PIEZO2: variants seen among roughly 807,000 people sequenced by gnomAD.
PIEZO2 encodes the protein piezo type mechanosensitive ion channel component 2.
In PIEZO2, 172 loss-of-function variants were observed where a neutral mutation model predicts 337.3. The observed-to-expected ratio is 0.51, with a 90% confidence interval of 0.45 to 0.58. PIEZO2 has a LOEUF of 0.58. PIEZO2 is among the 20% of genes least tolerant of loss of function. The pLI, the probability that PIEZO2 is intolerant of heterozygous loss-of-function variation, is 0.00. For missense variants in PIEZO2, 3,028 were observed against 3,391.3 expected (o/e 0.89, Z 2.66); for synonymous variants, 1,251 against 1,228.5 (o/e 1.02, Z -0.38).
chr18:10,709,428 C>T (rs1384690199), intron 39 of PIEZO2: 1 of 152,262 alleles, frequency 6.6e-6, no homozygotes, highest in African/African-American at 2.4e-5. Context: ...AACTGGAATA[C>T]TTATCTTCCA....
At chr18:10,790,008 G>C (rs933305786) in intron 14 of PIEZO2, among the ~76,000 whole-genome samples, 23 of 152,110 alleles carry the variant, frequency 1.5e-4, no homozygotes, top group Non-Finnish European at 5.9e-5. Flanking sequence ...AATTATTGGG[G>C]TTAATTTGAA....
intron 7 of PIEZO2, among the ~76,000 whole-genome samples, chr18:10,825,169 A>G (rs1474845723): frequency 6.6e-6 from 1 of 152,026 alleles, no homozygotes; most frequent in East Asian, 1.9e-4. Context: ...CGGCCACCTA[A>G]TGTCCTTTAT....
At chr18:10,704,230 C>T in intron 42 of PIEZO2, 164 bp downstream of exon 42, 1 of 982,504 alleles carries the variant, frequency 1.0e-6, no homozygotes, top group African/African-American at 1.6e-5. Context: ...ACTGTTGCTG[C>T]TGACGATTTG....
At position 10,746,110 on chromosome 18, in the gene PIEZO2, C is replaced by A. The variant is rs2037412224; in HGVS notation, c.4425-1879G>T. Among the ~76,000 whole-genome samples, 1 of 152,216 alleles carries A rather than the reference C, an allele frequency of 6.6e-6. No individual in the cohort carries two copies. ...CTATCTCTACCCTGGATTATCATAG[C>A]AGCTGCTTAGCTGTCTCTCTGCCTA... On this transcript the variant is annotated intron_variant, in intron 30 of 55. Coordinates refer to ENST00000674853, the MANE Select transcript of PIEZO2 (RefSeq NM_001378183.1). This position sits in a 1 kb window ranked among gnomAD's most constrained non-coding sequence, Gnocchi z 4.2.
chr18:11,075,084 T>C (rs1006386309), intron 1 of PIEZO2, among the ~76,000 whole-genome samples: 3 of 152,212 alleles, frequency 2.0e-5, no homozygotes, highest in Non-Finnish European at 2.9e-5. Flanking sequence ...GCTTTGTTTA[T>C]TTTAACAGTT....
chr18:11,053,347 A>G (rs544884975), intron 2 of PIEZO2, among the ~76,000 whole-genome samples: 1 of 152,368 alleles, frequency 6.6e-6, no homozygotes, highest in South Asian at 2.1e-4. Context: ...AAGATCCTAT[A>G]GTAAAGACTG....
intron 2 of PIEZO2, among the ~76,000 whole-genome samples, chr18:11,042,505 G>A (rs549122218): frequency 8.5e-5 from 13 of 152,302 alleles, no homozygotes; most frequent in African/African-American, 2.9e-4. Flanking sequence ...GACCAGTGTC[G>A]GTTTCTTGTC....
chr18:10,867,111 C>T (rs1005357973), intron 5 of PIEZO2, among the ~76,000 whole-genome samples: 9 of 152,286 alleles, frequency 5.9e-5, no homozygotes, highest in South Asian at 2.1e-4. Context: ...ACTGGGCAGC[C>T]GTTCAGCTTC....
chr18:10,991,666 C>G (rs1012503141), intron 2 of PIEZO2, among the ~76,000 whole-genome samples: 1 of 151,948 alleles, frequency 6.6e-6, no homozygotes, highest in African/African-American at 2.4e-5. Flanking sequence ...TCTTTGTTAT[C>G]GTGAATAGTG....
chr18:11,025,911 G>A (rs2036523593), intron 2 of PIEZO2, among the ~76,000 whole-genome samples: 2 of 152,128 alleles, frequency 1.3e-5, no homozygotes, highest in Admixed American at 6.5e-5. Context: ...TATAAGATCT[G>A]GGTTCCGCTG....
intron 51 of PIEZO2, among the ~76,000 whole-genome samples, chr18:10,680,597 A>G (rs2034221714): frequency 6.6e-6 from 1 of 152,254 alleles, no homozygotes; most frequent in Admixed American, 6.5e-5. Flanking sequence ...AGTTGCTACC[A>G]TCAATACAGC....
At chr18:10,885,826 A>G (rs916312953) in intron 4 of PIEZO2, among the ~76,000 whole-genome samples, 4 of 152,210 alleles carry the variant, frequency 2.6e-5, no homozygotes, top group Non-Finnish European at 5.9e-5. Context: ...TGCTCTGCTC[A>G]TAAATGGCCT....
chr18:11,114,086 A>G (rs939213666), intron 1 of PIEZO2, among the ~76,000 whole-genome samples: 3 of 152,332 alleles, frequency 2.0e-5, no homozygotes, highest in East Asian at 1.9e-4. Context: ...TTCAAAAACT[A>G]TATGCCTCTT....
chr18:10,774,156 C>T, intron 18 of PIEZO2, 118 bp from the exon 19 acceptor site: 1 of 665,694 alleles, frequency 1.5e-6, no homozygotes, highest in Non-Finnish European at 2.7e-6. Flanking sequence ...TCCTGTATGC[C>T]TGTTGCAGTA....
chr18:11,039,368 T>G (rs1644623733), intron 2 of PIEZO2, among the ~76,000 whole-genome samples: 1 of 152,300 alleles, frequency 6.6e-6, no homozygotes, highest in East Asian at 1.9e-4. Context: ...AAAAAGCTAT[T>G]GCAGGCTCCA....
rs1271684258 is a variant in PIEZO2 at position 10,766,449 on chromosome 18, T to G, written c.2947-3351A>C. On this transcript the variant is annotated intron_variant, in intron 21 of 55. Coordinates refer to ENST00000674853, the MANE Select transcript of PIEZO2 (RefSeq NM_001378183.1). This position sits in a 1 kb window ranked among gnomAD's most constrained non-coding sequence, Gnocchi z 6.1. Reference sequence around the variant, plus strand: ...CGTACATAACAACTGTCCAGGTGATTCTTACTATCAAGGATTTTGAGAAAC... The same window carrying G: ...CGTACATAACAACTGTCCAGGTGATGCTTACTATCAAGGATTTTGAGAAAC... Among the ~76,000 whole-genome samples the G allele has an allele frequency of 6.6e-6, 1 of 152,236 alleles. No individual in the cohort carries two copies. Among genetic ancestry groups the G allele is most frequent in the Non-Finnish European group, 1.5e-5 (1 of 68,036 alleles).
rs1336383075 is a variant in PIEZO2 at position 10,766,287 on chromosome 18, G to A, written c.2947-3189C>T. Reference sequence around the variant, plus strand: ...AGGAAGGAGAAAAGGGGAGAGAGAAGGGGAAGCAGAAAGGAGGGGAAGGGG... The same window carrying A: ...AGGAAGGAGAAAAGGGGAGAGAGAAAGGGAAGCAGAAAGGAGGGGAAGGGG... On this transcript the variant is annotated intron_variant, in intron 21 of 55. Coordinates refer to ENST00000674853, the MANE Select transcript of PIEZO2 (RefSeq NM_001378183.1). This position sits in a 1 kb window ranked among gnomAD's most constrained non-coding sequence, Gnocchi z 6.1. Among the ~76,000 whole-genome samples the A allele has an allele frequency of 6.6e-6, 1 of 151,276 alleles. No individual in the cohort carries two copies. Among genetic ancestry groups the A allele is most frequent in the Non-Finnish European group, 1.5e-5 (1 of 67,802 alleles).
chr18:11,055,356 G>C (rs748296468), intron 2 of PIEZO2, among the ~76,000 whole-genome samples: 2 of 152,210 alleles, frequency 1.3e-5, no homozygotes, highest in South Asian at 4.2e-4. Context: ...TGGATTTGTC[G>C]CACAAATAAT....
Position 10,861,566 on chromosome 18 carries a change from G to A in PIEZO2, c.493-4355C>T, listed in dbSNP as rs1024058375. On this transcript the variant is annotated intron_variant, in intron 5 of 55. Coordinates refer to ENST00000674853, the MANE Select transcript of PIEZO2 (RefSeq NM_001378183.1). This position sits in a 1 kb window ranked among gnomAD's most constrained non-coding sequence, Gnocchi z 4.3. ...ATCTAAAGAAGTTGCACTGATAGAA[G>A]TAGAGAGTAGAGGGGTAGTTACCAG... 2.0e-5 allele frequency among the ~76,000 whole-genome samples: 3 copies of A among 152,212 alleles called. No individual in the cohort carries two copies. Among genetic ancestry groups the A allele is most frequent in the Admixed American group, 2.0e-4 (3 of 15,284 alleles).
Sources: allele counts gnomAD v4.1 joint callset (sites outside exome capture counted in the v4.1 genomes callset), GRCh38; gene constraint gnomAD v4.1.1; non-coding constraint Gnocchi (gnomAD v3.1); transcripts MANE v1.5; gene names NCBI Gene and HGNC (gene_info 2026-07-23, HGNC 2026-07-21).